The following AGO1 variants were observed in gnomAD, a reference collection of about 807,000 sequenced individuals.
AGO1 encodes the protein argonaute RISC component 1, also known as protein argonaute-1.
Under a neutral mutation model 109.2 loss-of-function variants are expected in AGO1, and 11 were observed. That is an observed-to-expected ratio of 0.10 (90% CI 0.06 to 0.17). The LOEUF (loss-of-function observed/expected upper bound fraction) is 0.17. Among genes scored for constraint, AGO1 ranks in the 10% least tolerant of loss-of-function variants. The probability of loss-of-function intolerance (pLI) is 1.00; values close to 1 mark genes in which losing one functional copy is unlikely to be tolerated. For missense variants in AGO1, 574 were observed against 1,140.3 expected, an observed-to-expected ratio of 0.50 and a Z score of 7.15; for synonymous variants, 422 against 418.6, an observed-to-expected ratio of 1.01 and a Z score of -0.10.
In AGO1 at chr1:35,893,361, C is replaced by A. The variant is rs535284786; in HGVS notation, c.512+83C>A. ...GGAGGGGGAGCACATATTAAGGTCC[C>A]ACAGAGTGCCATTAAAAAAAAAAAT... On this transcript the variant is annotated intron_variant, in intron 4 of 18. Transcript: ENST00000373204. The surrounding 1 kb of genome is among the most constrained non-coding windows in gnomAD (Gnocchi z 5.6). 4 of 1,445,028 alleles carry A rather than the reference C, an allele frequency of 2.8e-6. No individual in the cohort carries two copies. The highest frequency in any genetic ancestry group is 3.7e-6 in the Non-Finnish European group (4 of 1,071,076). The allele number at this position is 1,445,028 out of a possible 1,614,324, so 89.5% of individuals were successfully genotyped here. A position where few individuals can be genotyped will look rare whatever the true frequency, so the allele number is the denominator to read the frequency against.
At chr1:35,917,770 CCTTAT>C (rs757124218) in intron 16 of AGO1, 43 bp downstream of exon 16, 7 of 1,595,356 alleles carry the variant, frequency 4.4e-6, no homozygotes, top group East Asian at 2.2e-5. Context: ...CTTCTGTCTC[CCTTAT>C]CTTAATAGAG....
chr1:35,891,223 T>C (rs926171174), intron 2 of AGO1, among the ~76,000 whole-genome samples: 1 of 152,216 alleles, frequency 6.6e-6, no homozygotes, highest in African/African-American at 2.4e-5. Context: ...ATGTACCATT[T>C]TGAGTTATCC....
Position 35,928,385 on chromosome 1 carries a change from A to G in AGO1, c.*8778A>G, listed in dbSNP as rs1256538396. ...AGTTTCTGCCTCCTGGGCTCAAGCA[A>G]TCCTCCCACCTCAGCCTCCTGAGTA... On this transcript the variant is annotated 3_prime_UTR_variant, in exon 19 of 19. Coordinates refer to ENST00000373204, the MANE Select transcript of AGO1 (RefSeq NM_012199.5). 2 of 152,184 alleles carry G rather than the reference A, an allele frequency of 1.3e-5. No homozygotes were observed. The highest frequency in any genetic ancestry group is 2.9e-5 in the Non-Finnish European group (2 of 68,070). 9.4% of individuals were successfully genotyped at this position (152,184 alleles called of 1,614,324 possible).
At chr1:35,885,025 A>G (rs986710475) in intron 1 of AGO1, among the ~76,000 whole-genome samples, 1 of 146,910 alleles carries the variant, frequency 6.8e-6, no homozygotes, top group Non-Finnish European at 1.5e-5. Context: ...AATAGCTCCT[A>G]CGACCTCACT....
At position 35,894,181 on chromosome 1, in the gene AGO1, C is replaced by T. The variant is rs748484041; in HGVS notation, c.784+10C>T. 7 of 1,569,298 alleles carry T rather than the reference C, an allele frequency of 4.5e-6. No homozygotes were observed. Among genetic ancestry groups the T allele is most frequent in the Non-Finnish European group, 6.1e-6 (7 of 1,156,108 alleles). ...ACCAAGGAGATCAAGGGTGAGGACC[C>T]AACAGGAGGGGAAGGGAAACAGCGC... On this transcript the variant is annotated intron_variant, in intron 6 of 18. Coordinates refer to ENST00000373204, the MANE Select transcript of AGO1 (RefSeq NM_012199.5).
chr1:35,918,705 G>A (rs969463645), intron 17 of AGO1, among the ~76,000 whole-genome samples: 3 of 152,024 alleles, frequency 2.0e-5, no homozygotes, highest in Non-Finnish European at 2.9e-5. Flanking sequence ...ACAAGCATGC[G>A]CCACCATGCC....
In AGO1 at chr1:35,926,212, G is replaced by A. The variant is rs1317790452; in HGVS notation, c.*6605G>A. The A allele has an allele frequency of 2.6e-5, 4 of 152,206 alleles. No individual in the cohort carries two copies. In the East Asian group the frequency reaches 7.7e-4, roughly 29 times the overall value. 9.4% of individuals were successfully genotyped at this position (152,206 alleles called of 1,614,324 possible). On this transcript the variant is annotated 3_prime_UTR_variant, in exon 19 of 19. Transcript: ENST00000373204. ...TGCTATAAACTTTAGTTTTAGAAAAGATTGATATTGAAAAGCCTTCAGGAT... is the reference window on the plus strand; with the variant it reads ...TGCTATAAACTTTAGTTTTAGAAAAAATTGATATTGAAAAGCCTTCAGGAT...
At chr1:35,884,567 C>T (rs1249480697) in intron 1 of AGO1, among the ~76,000 whole-genome samples, 1 of 152,150 alleles carries the variant, frequency 6.6e-6, no homozygotes, top group African/African-American at 2.4e-5. Flanking sequence ...GGATATCTTT[C>T]CGTTTTCCTC....
intron 12 of AGO1, among the ~76,000 whole-genome samples, chr1:35,907,652 CAAT>C (rs532674881): frequency 6.6e-6 from 1 of 152,152 alleles, no homozygotes; most frequent in African/African-American, 2.4e-5. Context: ...TGCTTCAAAG[CAAT>C]AAGAGTTTTT....
In AGO1 at chr1:35,926,877, T is replaced by C. The variant is rs982558756; in HGVS notation, c.*7270T>C. ...TGTGGCTTACCCTGCAGGAACATAC[T>C]GTGTCCTGTTGTTCTGGACTGTAGC... On this transcript the variant is annotated 3_prime_UTR_variant, in exon 19 of 19. Coordinates refer to ENST00000373204, the MANE Select transcript of AGO1 (RefSeq NM_012199.5). 4 of 152,096 alleles carry C rather than the reference T, an allele frequency of 2.6e-5. No individual in the cohort carries two copies. Among genetic ancestry groups the C allele is most frequent in the African/African-American group, 4.8e-5 (2 of 41,420 alleles). The allele number at this position is 152,096 out of a possible 1,614,324, so 9.4% of individuals were successfully genotyped here.
At position 35,925,811 on chromosome 1, in the gene AGO1, TC is replaced by T. The variant is rs1645916191; in HGVS notation, c.*6206del. 1 of 152,230 alleles carries T rather than the reference TC, an allele frequency of 6.6e-6. No individual in the cohort carries two copies. Among genetic ancestry groups the T allele is most frequent in the African/African-American group, 2.4e-5 (1 of 41,456 alleles). The allele number at this position is 152,230 out of a possible 1,614,324, so 9.4% of individuals were successfully genotyped here. On this transcript the variant is annotated 3_prime_UTR_variant, in exon 19 of 19. Coordinates refer to ENST00000373204, the MANE Select transcript of AGO1 (RefSeq NM_012199.5). ...TCAAGCATGTAAATTCTGGCATTCTTCCTGGTACTGCTAGAGCATTGTTATT... is the reference window on the plus strand; with the variant it reads ...TCAAGCATGTAAATTCTGGCATTCTTCTGGTACTGCTAGAGCATTGTTATT...
chr1:35,909,910 T>G (rs1645602687), intron 12 of AGO1, among the ~76,000 whole-genome samples: 1 of 152,060 alleles, frequency 6.6e-6, no homozygotes, highest in African/African-American at 2.4e-5. Flanking sequence ...TTCCCTCCAT[T>G]AAAGGGAAAA....
rs776181658 is a variant in AGO1 at position 35,919,232 on chromosome 1, C to A, written c.2443C>A (p.Leu815Met). 1.2e-6 allele frequency: 2 copies of A among 1,613,986 alleles called. No homozygotes were observed. The highest frequency in any genetic ancestry group is 1.7e-6 in the Non-Finnish European group (2 of 1,179,954). The stretch of plus-strand genomic sequence containing the variant: ...GGTGGCTTTCCGGGCACGATACCAC[C>A]TGGTGGACAAGGAGCATGACAGGTG... ...RLVAFRARYH[L>M]VDKEHDSGEG... Residue 815 changes from leucine (L) to methionine (M), a missense_variant, in exon 18 of 19, where the codon CTG (leucine) becomes ATG (methionine). Transcript: ENST00000373204. The surrounding 1 kb of genome is among the most constrained non-coding windows in gnomAD (Gnocchi z 6.6).
At position 35,893,078 on chromosome 1, in the gene AGO1, T is replaced by G. The variant is rs368040201; in HGVS notation, c.331-19T>G. ...AGAGCAATGGCAATCCTTCATCCCT[T>G]TCTTTCACCCTCCTGAAGGTCGACT... On this transcript the variant is annotated intron_variant, in intron 3 of 18. Transcript: ENST00000373204. The surrounding 1 kb of genome is among the most constrained non-coding windows in gnomAD (Gnocchi z 5.6). 9 of 1,610,946 alleles carry G rather than the reference T, an allele frequency of 5.6e-6. No homozygotes were observed. The African/African-American group carries it at 1.2e-4, about 22-fold the overall frequency.
intron 14 of AGO1, among the ~76,000 whole-genome samples, chr1:35,914,856 A>G (rs1189027310): frequency 1.3e-5 from 2 of 152,146 alleles, no homozygotes; most frequent in African/African-American, 4.8e-5. Flanking sequence ...CCTTGTGGCC[A>G]TCCCTCCTAG....
chr1:35,917,892 C>T (rs1419586927), intron 16 of AGO1, among the ~76,000 whole-genome samples, 165 bp downstream of exon 16: 1 of 152,130 alleles, frequency 6.6e-6, no homozygotes, highest in African/African-American at 2.4e-5. Context: ...CCACCGCCTT[C>T]ACTAGTGTCC....
At chr1:35,909,799 G>A (rs1645599885) in intron 12 of AGO1, among the ~76,000 whole-genome samples, 1 of 152,098 alleles carries the variant, frequency 6.6e-6, no homozygotes, top group Non-Finnish European at 1.5e-5. Context: ...AACTTATGGA[G>A]AGAAGTTGTT....
Position 35,923,992 on chromosome 1 carries a change from C to A in AGO1, c.*4385C>A, listed in dbSNP as rs527357395. 6.5e-6 allele frequency: 1 copy of A among 152,792 alleles called. No individual in the cohort carries two copies. Among genetic ancestry groups the A allele is most frequent in the African/African-American group, 2.4e-5 (1 of 41,574 alleles). The allele number at this position is 152,792 out of a possible 1,614,324, so 9.5% of individuals were successfully genotyped here. A position where few individuals can be genotyped will look rare whatever the true frequency, so the allele number is the denominator to read the frequency against. On this transcript the variant is annotated 3_prime_UTR_variant, in exon 19 of 19. Transcript: ENST00000373204. Reference sequence around the variant, plus strand: ...AATTGGTATGTGATGTTGCACTTAGCAGCCATGTGGTGGGCATGTGTGACT... The same window carrying A: ...AATTGGTATGTGATGTTGCACTTAGAAGCCATGTGGTGGGCATGTGTGACT...
chr1:35,877,632 A>G (rs1233200858), intron 1 of AGO1, among the ~76,000 whole-genome samples: 1 of 152,200 alleles, frequency 6.6e-6, no homozygotes, highest in Non-Finnish European at 1.5e-5. Context: ...GCTAGTCTGA[A>G]TTGAGATGTG....
Sources: allele counts gnomAD v4.1 joint callset (sites outside exome capture counted in the v4.1 genomes callset), GRCh38; gene constraint gnomAD v4.1.1; non-coding constraint Gnocchi (gnomAD v3.1); transcripts MANE v1.5; gene names NCBI Gene and HGNC (gene_info 2026-07-23, HGNC 2026-07-21).